DAPK1: variants seen among roughly 807,000 people sequenced by gnomAD.
DAPK1 encodes the protein death-associated protein kinase 1.
A neutral mutation model predicts 144.9 loss-of-function variants in DAPK1; 56 were observed. That is an observed-to-expected ratio of 0.39 (90% CI 0.31 to 0.48). The LOEUF is 0.48. Among genes scored for constraint, DAPK1 ranks in the 20% least tolerant of loss-of-function variants. DAPK1 has a pLI of 0.95. For missense variants in DAPK1, 1,454 were observed against 1,875.4 expected, an observed-to-expected ratio of 0.78 and a Z score of 4.15; for synonymous variants, 690 against 749.0, an observed-to-expected ratio of 0.92 and a Z score of 1.29.
chr9:87,555,730 C>G (rs957754921), intron 2 of DAPK1, among the ~76,000 whole-genome samples: 13 of 152,080 alleles, frequency 8.5e-5, no homozygotes, highest in African/African-American at 2.9e-4. Context: ...CTCGAACTCC[C>G]GACCTCAGGT....
intron 2 of DAPK1, among the ~76,000 whole-genome samples, chr9:87,528,547 T>C (rs1450957268): frequency 1.3e-5 from 2 of 152,142 alleles, no homozygotes; most frequent in African/African-American, 4.8e-5. Flanking sequence ...TCCCTCTTCC[T>C]GGAATGCTCT....
At position 87,529,163 on chromosome 9, in the gene DAPK1, G is replaced by A. The variant is rs539971232; in HGVS notation, c.62+30024G>A. Among the ~76,000 whole-genome samples the A allele has an allele frequency of 6.6e-5, 10 of 152,254 alleles. No homozygotes were observed. The East Asian group carries it at 1.2e-3, about 18-fold the overall frequency. On this transcript the variant is annotated intron_variant, in intron 2 of 25. Transcript: ENST00000408954. The stretch of plus-strand genomic sequence containing the variant: ...ACCCCAAGTCAAAATGTTAAACCGC[G>A]TACTTGATCTCTCAAGTCGCCTCCT...
At chr9:87,546,517 G>C (rs994719395) in intron 2 of DAPK1, among the ~76,000 whole-genome samples, 2 of 152,146 alleles carry the variant, frequency 1.3e-5, no homozygotes, top group African/African-American at 2.4e-5. Context: ...TAGGAAAGAT[G>C]GGCAGGTGAG....
At chr9:87,497,784 G>GCGC (rs1824220641), upstream of DAPK1, 1 of 353,706 alleles carries the variant, frequency 2.8e-6, no homozygotes, top group Non-Finnish European at 5.0e-6. Context: ...TGGGTGGGCC[G>GCGC]CGCCGCCAGC....
chr9:87,606,503 C>T (rs1828719786), intron 3 of DAPK1, among the ~76,000 whole-genome samples: 1 of 137,784 alleles, frequency 7.3e-6, no homozygotes, highest in East Asian at 2.3e-4. Flanking sequence ...CTCTCCCTCC[C>T]TCCCTCTCTC....
intron 2 of DAPK1, among the ~76,000 whole-genome samples, chr9:87,518,702 C>G (rs985848044): frequency 6.6e-6 from 1 of 152,128 alleles, no homozygotes; most frequent in African/African-American, 2.4e-5. Flanking sequence ...CCTTATTTCT[C>G]TGTATCTGTG....
chr9:87,558,371 C>G (rs1036194672), intron 2 of DAPK1, among the ~76,000 whole-genome samples: 1 of 152,104 alleles, frequency 6.6e-6, no homozygotes, highest in East Asian at 1.9e-4. Context: ...ACCCACAGAT[C>G]AACGGGACAG....
At chr9:87,590,406 A>C (rs1828089219) in intron 2 of DAPK1, among the ~76,000 whole-genome samples, 1 of 148,630 alleles carries the variant, frequency 6.7e-6, no homozygotes, top group South Asian at 2.1e-4. Flanking sequence ...GAAAAGAAAA[A>C]GGAAGCTAAA....
chr9:87,596,726 C>T (rs1267106631), intron 2 of DAPK1, among the ~76,000 whole-genome samples: 1 of 152,218 alleles, frequency 6.6e-6, no homozygotes, highest in Non-Finnish European at 1.5e-5. Context: ...CTCTGCACAG[C>T]TTCTGGGGCG....
chr9:87,579,525 G>T (rs2118818561), intron 2 of DAPK1, among the ~76,000 whole-genome samples: 1 of 152,292 alleles, frequency 6.6e-6, no homozygotes, highest in African/African-American at 2.4e-5. Context: ...TTTTAAAGCT[G>T]CTTCTGGCAC....
chr9:87,688,338 C>A (rs1251767789), intron 21 of DAPK1, among the ~76,000 whole-genome samples: 1 of 152,104 alleles, frequency 6.6e-6, no homozygotes, highest in African/African-American at 2.4e-5. Flanking sequence ...ATCCAGTCTG[C>A]CATTGATGGG....
chr9:87,527,336 C>T (rs2118313989), intron 2 of DAPK1, among the ~76,000 whole-genome samples: 1 of 152,324 alleles, frequency 6.6e-6, no homozygotes, highest in South Asian at 2.1e-4. Flanking sequence ...GGCTCTCTGA[C>T]ACTGAATCCT....
intron 15 of DAPK1, 35 bp downstream of exon 15, chr9:87,648,914 CT>C (rs1175532943): frequency 6.4e-7 from 1 of 1,559,974 alleles, no homozygotes; most frequent in South Asian, 1.1e-5. Context: ...TTCCTCTGCT[CT>C]ATACATGAAT....
chr9:87,655,362 T>G (rs1830596420), intron 17 of DAPK1, among the ~76,000 whole-genome samples: 1 of 152,106 alleles, frequency 6.6e-6, no homozygotes, highest in Admixed American at 6.5e-5. Context: ...TTGCTATTTT[T>G]TTTTTTAAAG....
intron 21 of DAPK1, among the ~76,000 whole-genome samples, chr9:87,696,442 C>T (rs1372275576): frequency 1.3e-5 from 2 of 152,168 alleles, no homozygotes. Flanking sequence ...TTTTGTGTTG[C>T]TATAACAGAA....
chr9:87,566,001 GTC>G (rs1455192073), intron 2 of DAPK1, among the ~76,000 whole-genome samples: 1 of 148,940 alleles, frequency 6.7e-6, no homozygotes, highest in Non-Finnish European at 1.5e-5. Flanking sequence ...TGAACCTTTT[GTC>G]TCTCTGTCTC....
intron 2 of DAPK1, among the ~76,000 whole-genome samples, chr9:87,507,870 T>C (rs1162757791): frequency 6.6e-6 from 1 of 152,182 alleles, no homozygotes; most frequent in Admixed American, 6.5e-5. Flanking sequence ...TATTCTTATT[T>C]AGGAAATATG....
intron 8 of DAPK1, 29 bp from the exon 9 acceptor site, chr9:87,640,773 A>AT (rs1015375983): frequency 5.6e-6 from 9 of 1,611,280 alleles, no homozygotes; most frequent in Non-Finnish European, 6.8e-6. Flanking sequence ...TGGTCACAGC[A>AT]TTTTTTTTCT....
chr9:87,687,893 AT>A (rs1173785708), intron 21 of DAPK1, among the ~76,000 whole-genome samples: 2 of 151,938 alleles, frequency 1.3e-5, no homozygotes, highest in African/African-American at 4.8e-5. Flanking sequence ...TTCTTGGATG[AT>A]TAGTGATATT....
Sources: gnomAD v4.1 joint callset for allele counts (sites outside exome capture counted in the v4.1 genomes callset) on GRCh38, gnomAD v4.1.1 for gene constraint, MANE v1.5 for transcripts, NCBI Gene and HGNC (gene_info 2026-07-23, HGNC 2026-07-21) for gene names.